The following UNC5D variants were observed in gnomAD, a reference collection of about 807,000 sequenced individuals.
UNC5D encodes netrin receptor UNC5D.
In UNC5D, 39 loss-of-function variants were observed where a neutral mutation model predicts 105.4. The observed-to-expected ratio is 0.37, with a 90% CI of 0.29 to 0.48. The LOEUF is 0.48. Ranked by LOEUF, UNC5D falls within the 20% of genes least tolerant of loss-of-function variation. The pLI, the probability that UNC5D is intolerant of heterozygous loss-of-function variation, is 0.98. For missense variants in UNC5D, 991 were observed against 1,202.4 expected, an observed-to-expected ratio of 0.82 and a Z score of 2.60; for synonymous variants, 452 against 450.4, an observed-to-expected ratio of 1.00 and a Z score of -0.04.
At chr8:35,430,854 G>A (rs1490318621) in intron 1 of UNC5D, among the ~76,000 whole-genome samples, 3 of 152,204 alleles carry the variant, frequency 2.0e-5, no homozygotes, top group African/African-American at 7.2e-5. Context: ...AGAGTGCAGA[G>A]TGACAGATGA....
At chr8:35,365,133 C>A (rs77030312) in intron 1 of UNC5D, among the ~76,000 whole-genome samples, 1 of 152,068 alleles carries the variant, frequency 6.6e-6, no homozygotes, top group African/African-American at 2.4e-5. Context: ...AAGTTATACT[C>A]GGAGAAATAC....
At chr8:35,495,183 C>G (rs1259538888) in intron 1 of UNC5D, among the ~76,000 whole-genome samples, 1 of 152,106 alleles carries the variant, frequency 6.6e-6, no homozygotes, top group Non-Finnish European at 1.5e-5. Context: ...AGACCGAGGA[C>G]TCCGTACTTG....
At chr8:35,526,671 C>T (rs933664568) in intron 1 of UNC5D, among the ~76,000 whole-genome samples, 5 of 151,992 alleles carry the variant, frequency 3.3e-5, no homozygotes, top group Middle Eastern at 3.4e-3. Context: ...CATTGTTTTC[C>T]GCATCTTGAG....
At position 35,726,210 on chromosome 8, in the gene UNC5D, C is replaced by T; in HGVS notation, c.1362C>T (p.Tyr454=). ...MQPDLTVSRT[Y]SGPICLQDPL... Reference sequence around the variant, plus strand: ...CAGATCTGACAGTGAGCCGGACATACAGCGGACCCATCTGTCTGCAGGACC... The same window carrying T: ...CAGATCTGACAGTGAGCCGGACATATAGCGGACCCATCTGTCTGCAGGACC... Residue 454 remains tyrosine, a synonymous_variant, in exon 10 of 17, where the codon TAC becomes TAT. Coordinates refer to ENST00000404895, the MANE Select transcript of UNC5D (RefSeq NM_080872.4). 1 of 1,614,140 alleles carries T rather than the reference C, an allele frequency of 6.2e-7. No homozygotes were observed. Among genetic ancestry groups the T allele is most frequent in the Admixed American group, 1.7e-5 (1 of 60,022 alleles).
intron 12 of UNC5D, among the ~76,000 whole-genome samples, chr8:35,749,978 AGAAATAGTTGT>A (rs1294324315): frequency 2.0e-4 from 21 of 103,130 alleles, no homozygotes; most frequent in Non-Finnish European, 4.5e-4. Flanking sequence ...AAGAGTTGTC[AGAAATAGTTGT>A]AAAAAAAAAA....
intron 1 of UNC5D, among the ~76,000 whole-genome samples, chr8:35,311,502 C>T (rs1528714): frequency 0.82 from 124,653 of 151,968 alleles, 51,573 homozygotes; most frequent in East Asian, 1. Flanking sequence ...CCTCATCTTC[C>T]TAGGTCTTTT....
At chr8:35,637,489 A>T (rs1322384833) in intron 4 of UNC5D, among the ~76,000 whole-genome samples, 1 of 152,216 alleles carries the variant, frequency 6.6e-6, no homozygotes, top group Non-Finnish European at 1.5e-5. Flanking sequence ...AAAGCCAGTC[A>T]TAATGAGCCC....
At chr8:35,414,078 G>C (rs573950247) in intron 1 of UNC5D, among the ~76,000 whole-genome samples, 2 of 152,174 alleles carry the variant, frequency 1.3e-5, no homozygotes, top group South Asian at 4.1e-4. Flanking sequence ...TTGTTTGAAA[G>C]TGCTGCTAAG....
chr8:35,578,112 C>G lies in UNC5D; in HGVS notation c.466+9871C>G, dbSNP rs923266814. On this transcript the variant is annotated intron_variant, in intron 3 of 16. Transcript: ENST00000404895. ...TGGTGGTGCCTGCCTGTAATCCCAG[C>G]TGCTCAGGAGGCTGAGATAGGAGAA... is the stretch of plus-strand genomic sequence containing the variant. Among the ~76,000 whole-genome samples the G allele has an allele frequency of 4.2e-4, 63 of 151,326 alleles. 1 individual carries two copies. The highest frequency in any genetic ancestry group is 1.5e-3 in the African/African-American group (61 of 41,232).
intron 7 of UNC5D, among the ~76,000 whole-genome samples, chr8:35,694,701 G>C (rs968479280): frequency 6.6e-6 from 1 of 151,914 alleles, no homozygotes; most frequent in African/African-American, 2.4e-5. Context: ...ACTATAGTGT[G>C]TGTGTGTGTG....
intron 13 of UNC5D, among the ~76,000 whole-genome samples, chr8:35,755,745 A>T (rs1830490047): frequency 6.6e-6 from 1 of 152,186 alleles, no homozygotes; most frequent in Non-Finnish European, 1.5e-5. Flanking sequence ...TCATATACAA[A>T]AGCTGGCCAG....
intron 3 of UNC5D, among the ~76,000 whole-genome samples, chr8:35,585,139 G>A (rs1205291839): frequency 1.3e-5 from 2 of 152,132 alleles, no homozygotes; most frequent in Non-Finnish European, 2.9e-5. Context: ...TACACTACTT[G>A]TGAACACAGG....
At chr8:35,575,075 A>G (rs1422622422) in intron 3 of UNC5D, among the ~76,000 whole-genome samples, 1 of 152,170 alleles carries the variant, frequency 6.6e-6, no homozygotes, top group Admixed American at 6.6e-5. Flanking sequence ...TCAAAATTTC[A>G]TAAATTCTAA....
intron 1 of UNC5D, among the ~76,000 whole-genome samples, chr8:35,298,991 A>T (rs540666231): frequency 6.6e-6 from 1 of 152,226 alleles, no homozygotes; most frequent in African/African-American, 2.4e-5. Flanking sequence ...TGGAGCTTCA[A>T]AGACAATGTC....
intron 1 of UNC5D, among the ~76,000 whole-genome samples, chr8:35,257,259 G>A (rs907371107): frequency 6.6e-6 from 1 of 152,064 alleles, no homozygotes; most frequent in South Asian, 2.1e-4. Flanking sequence ...GTCAGCCAAC[G>A]CGCCCAGCCT....
At chr8:35,632,057 C>G (rs1822074042) in intron 4 of UNC5D, among the ~76,000 whole-genome samples, 1 of 152,206 alleles carries the variant, frequency 6.6e-6, no homozygotes, top group South Asian at 2.1e-4. Flanking sequence ...CAAAGCCATG[C>G]TGTTCTTCCC....
At chr8:35,390,573 G>A (rs1803708057) in intron 1 of UNC5D, among the ~76,000 whole-genome samples, 1 of 152,012 alleles carries the variant, frequency 6.6e-6, no homozygotes, top group African/African-American at 2.4e-5. Context: ...TTGTAAAAAC[G>A]TGTTTCCAAA....
At chr8:35,376,417 T>G (rs908066018) in intron 1 of UNC5D, among the ~76,000 whole-genome samples, 1 of 152,144 alleles carries the variant, frequency 6.6e-6, no homozygotes, top group Admixed American at 6.5e-5. Flanking sequence ...GTGGTGAGAC[T>G]AAACCCCGGA....
intron 1 of UNC5D, among the ~76,000 whole-genome samples, chr8:35,406,696 G>A (rs1248503638): frequency 2.0e-5 from 3 of 152,156 alleles, no homozygotes; most frequent in African/African-American, 7.2e-5. Flanking sequence ...CTGGGGCTCT[G>A]ATACAATTTT....
Sources: gnomAD v4.1 joint callset for allele counts (sites outside exome capture counted in the v4.1 genomes callset) on GRCh38, gnomAD v4.1.1 for gene constraint, MANE v1.5 for transcripts, NCBI Gene and HGNC (gene_info 2026-07-23, HGNC 2026-07-21) for gene names.